ABCB1: variants seen among roughly 807,000 people sequenced by gnomAD.
The protein encoded by ABCB1 is ATP-dependent translocase ABCB1.
In ABCB1, 69 loss-of-function variants were observed where a neutral mutation model predicts 142.0. That is an observed-to-expected ratio of 0.49 (90% confidence interval 0.40 to 0.59). The LOEUF is 0.59. Ranked by LOEUF, ABCB1 falls within the 20% of genes least tolerant of loss-of-function variation. The pLI is 0.00. For missense variants in ABCB1, 1,326 were observed against 1,554.7 expected (o/e 0.85, Z 2.47); for synonymous variants, 532 against 539.2 (o/e 0.99, Z 0.18).
intron 21 of ABCB1, among the ~76,000 whole-genome samples, chr7:87,525,976 C>T (rs1386353905): frequency 6.6e-6 from 1 of 152,176 alleles, no homozygotes; most frequent in Non-Finnish European, 1.5e-5. Flanking sequence ...ATAACCGAAA[C>T]TCTTTTGCCA....
intron 1 of ABCB1, among the ~76,000 whole-genome samples, chr7:87,651,968 G>C (rs767189849): frequency 6.6e-6 from 1 of 151,832 alleles, no homozygotes; most frequent in Non-Finnish European, 1.5e-5. Context: ...CCTTTTTGCT[G>C]TTCTGTGTTT....
At chr7:87,574,659 C>G (rs1180506312) in intron 4 of ABCB1, among the ~76,000 whole-genome samples, 2 of 152,094 alleles carry the variant, frequency 1.3e-5, no homozygotes. Context: ...CTTTCTCTAA[C>G]TGGAATGCCC....
intron 1 of ABCB1, chr7:87,628,912 C>G (rs1279340526): frequency 7.6e-7 from 1 of 1,308,966 alleles, no homozygotes; most frequent in Non-Finnish European, 9.8e-7. Context: ...CGCAATGCTG[C>G]GGTGGAGAGG....
At chr7:87,694,527 A>G (rs1358981171) in intron 1 of ABCB1, among the ~76,000 whole-genome samples, 1 of 152,346 alleles carries the variant, frequency 6.6e-6, no homozygotes, top group South Asian at 2.1e-4. Flanking sequence ...AAAGAGAAAA[A>G]GTAAAAAACA....
At chr7:87,678,215 A>G (rs1826573539) in intron 1 of ABCB1, among the ~76,000 whole-genome samples, 2 of 152,144 alleles carry the variant, frequency 1.3e-5, no homozygotes, top group Non-Finnish European at 2.9e-5. Context: ...CAGCCTCTCA[A>G]AGTTCTGGGA....
chr7:87,565,457 T>C, intron 7 of ABCB1: 1 of 455,472 alleles, frequency 2.2e-6, no homozygotes. Context: ...CTTCTACCTC[T>C]CTGCCTTCAT....
chr7:87,568,793 G>A (rs1169005865), intron 5 of ABCB1, among the ~76,000 whole-genome samples: 1 of 152,166 alleles, frequency 6.6e-6, no homozygotes, highest in Non-Finnish European at 1.5e-5. Context: ...TACAACAAGA[G>A]ATAGTATTCT....
chr7:87,678,594 C>A (rs28746485), intron 1 of ABCB1, among the ~76,000 whole-genome samples: 4,749 of 151,940 alleles, frequency 0.031, 73 homozygotes, highest in Middle Eastern at 0.048. Flanking sequence ...CTAAATCAAA[C>A]CTTATTAATA....
chr7:87,525,451 C>G (rs1815741046), intron 21 of ABCB1, among the ~76,000 whole-genome samples: 1 of 152,064 alleles, frequency 6.6e-6, no homozygotes, highest in Non-Finnish European at 1.5e-5. Context: ...TAACTTCTGA[C>G]TCCCCAGAAA....
intron 1 of ABCB1, among the ~76,000 whole-genome samples, chr7:87,693,277 G>C (rs751930534): frequency 1.3e-5 from 2 of 152,026 alleles, no homozygotes; most frequent in Non-Finnish European, 2.9e-5. Context: ...TGATAGAGTA[G>C]GCATTTAGTC....
chr7:87,547,027 GT>G (rs1425944291), intron 14 of ABCB1, among the ~76,000 whole-genome samples: 7 of 152,230 alleles, frequency 4.6e-5, no homozygotes, highest in African/African-American at 1.7e-4. Context: ...GAAGAGTCAC[GT>G]AAGTCTCTTT....
intron 4 of ABCB1, among the ~76,000 whole-genome samples, chr7:87,579,917 C>A (rs1200286084): frequency 6.6e-6 from 1 of 152,122 alleles, no homozygotes; most frequent in Admixed American, 6.5e-5. Context: ...CACAAACAAG[C>A]AAAGGGAAAA....
In ABCB1 at chr7:87,561,352, C is replaced by A. The variant is rs28381867; in HGVS notation, c.738G>T (p.Ala246=). Residue 246 remains alanine, a synonymous_variant, in exon 8 of 28, where the codon GCG becomes GCT. Transcript: ENST00000622132. Reference sequence around the variant, plus strand: ...CAGCTACTGCTCCAGCTTTTGCATACGCTAAGAGTTCTTTATCAGTAAATG... The same window carrying A: ...CAGCTACTGCTCCAGCTTTTGCATAAGCTAAGAGTTCTTTATCAGTAAATG... ...LSSFTDKELL[A]YAKAGAVAEE... 3.7e-6 allele frequency: 6 copies of A among 1,613,578 alleles called. No individual in the cohort carries two copies. The Admixed American group carries it at 8.3e-5, about 22-fold the overall frequency.
chr7:87,563,218 G>T, intron 7 of ABCB1: 1 of 268,266 alleles, frequency 3.7e-6, no homozygotes, highest in Non-Finnish European at 7.5e-6. Flanking sequence ...ATTCATGGCT[G>T]AATTCTGCCA....
intron 1 of ABCB1, among the ~76,000 whole-genome samples, chr7:87,652,666 C>A: frequency 7.5e-6 from 1 of 133,428 alleles, no homozygotes; most frequent in Non-Finnish European, 1.5e-5. Context: ...ATGAAATAAT[C>A]TGTAACTTTT....
At chr7:87,550,660 A>G in intron 10 of ABCB1, 65 bp downstream of exon 10, 1 of 1,562,914 alleles carries the variant, frequency 6.4e-7, no homozygotes, top group Non-Finnish European at 8.8e-7. Context: ...GGATAAAGTG[A>G]CAAAGAAATT....
intron 1 of ABCB1, among the ~76,000 whole-genome samples, chr7:87,672,204 G>T (rs1825892120): frequency 6.6e-6 from 1 of 152,190 alleles, no homozygotes; most frequent in African/African-American, 2.4e-5. Flanking sequence ...GGCCCCACTT[G>T]GGAGGTTCCA....
intron 1 of ABCB1, among the ~76,000 whole-genome samples, chr7:87,645,245 G>A (rs577409022): frequency 6.6e-6 from 1 of 152,078 alleles, no homozygotes; most frequent in Non-Finnish European, 1.5e-5. Context: ...ACCACAACCA[G>A]CTAATTTTTT....
At chr7:87,592,908 T>C (rs1319621394) in intron 3 of ABCB1, among the ~76,000 whole-genome samples, 2 of 151,610 alleles carry the variant, frequency 1.3e-5, no homozygotes, top group Non-Finnish European at 2.9e-5. Flanking sequence ...CAGTGCACAA[T>C]TCTTGCAAGA....
Sources: allele counts gnomAD v4.1 joint callset (sites outside exome capture counted in the v4.1 genomes callset), GRCh38; gene constraint gnomAD v4.1.1; transcripts MANE v1.5; gene names NCBI Gene and HGNC (gene_info 2026-07-23, HGNC 2026-07-21).